OSBPL9: variants seen among roughly 807,000 people sequenced by gnomAD.
OSBPL9 encodes oxysterol binding protein like 9.
Under a neutral mutation model 106.6 loss-of-function variants are expected in OSBPL9, and 40 were observed. The observed-to-expected ratio is 0.38, with a 90% CI of 0.29 to 0.49. The LOEUF (loss-of-function observed/expected upper bound fraction) is 0.49. OSBPL9 is among the 20% of genes least tolerant of loss of function. OSBPL9 has a pLI of 0.97. For synonymous variants in OSBPL9, 269 were observed against 295.4 expected (o/e 0.91, Z 0.92); for missense variants, 609 against 887.2 (o/e 0.69, Z 3.98).
chr1:51,686,183 C>T (rs1023001887), intron 3 of OSBPL9, among the ~76,000 whole-genome samples: 4 of 152,164 alleles, frequency 2.6e-5, no homozygotes, highest in African/African-American at 4.8e-5. Context: ...ATGCTTACTT[C>T]GGGTTCAGTT....
In OSBPL9 at chr1:51,787,959, TCCCTTTTCCC is replaced by T; in HGVS notation, c.*171_*180del. The T allele has an allele frequency of 3.3e-6, 2 of 601,152 alleles. No individual in the cohort carries two copies. Among genetic ancestry groups the T allele is most frequent in the Middle Eastern group, 4.5e-4 (1 of 2,224 alleles). The allele number at this position is 601,152 out of a possible 1,614,324, so 37.2% of individuals were successfully genotyped here. A position where few individuals can be genotyped will look rare whatever the true frequency, so the allele number is the denominator to read the frequency against. ...AGATGAACAATTAAGGGGAAAAGCT[TCCCTTTTCCC>T]TCTGTGGCAGTTACGATTTTGACTT... is the stretch of plus-strand genomic sequence containing the variant. On this transcript the variant is annotated 3_prime_UTR_variant, in exon 24 of 24. Transcript: ENST00000428468.
intron 4 of OSBPL9, among the ~76,000 whole-genome samples, chr1:51,744,196 T>C (rs1329009466): frequency 6.6e-6 from 1 of 152,186 alleles, no homozygotes; most frequent in Non-Finnish European, 1.5e-5. Flanking sequence ...AATTTTTGAA[T>C]TTTAGTTTGG....
intron 2 of OSBPL9, among the ~76,000 whole-genome samples, chr1:51,665,817 G>A (rs1648329877): frequency 6.6e-6 from 1 of 152,080 alleles, no homozygotes; most frequent in Admixed American, 6.5e-5. Flanking sequence ...AGCGAGAAAT[G>A]TTTCTGCAGC....
At chr1:51,688,296 G>A (rs899089389) in intron 3 of OSBPL9, among the ~76,000 whole-genome samples, 7 of 152,126 alleles carry the variant, frequency 4.6e-5, no homozygotes, top group Admixed American at 2.6e-4. Flanking sequence ...CTAGAACTAA[G>A]TTTAACATTG....
chr1:51,541,638 T>C, the OSBPL9 span, among the ~76,000 whole-genome samples: 1 of 152,212 alleles, frequency 6.6e-6, no homozygotes, highest in Non-Finnish European at 1.5e-5. Context: ...TAGAGAAGGC[T>C]GTGGGTGGGG....
intron 17 of OSBPL9, 31 bp downstream of exon 17, chr1:51,782,674 C>T (rs1676667794): frequency 1.3e-6 from 2 of 1,590,762 alleles, no homozygotes; most frequent in South Asian, 1.1e-5. Flanking sequence ...GCAACCTGTG[C>T]TCTCAAAACT....
upstream of OSBPL9, among the ~76,000 whole-genome samples, chr1:51,615,354 C>CT (rs200187179): frequency 6.5e-3 from 994 of 152,356 alleles, 8 homozygotes; most frequent in African/African-American, 0.022. Context: ...AACCCATACT[C>CT]TCTGCTCTTC....
intron 3 of OSBPL9, among the ~76,000 whole-genome samples, chr1:51,682,806 C>G (rs1652866942): frequency 6.6e-6 from 1 of 151,516 alleles, no homozygotes; most frequent in African/African-American, 2.4e-5. Context: ...ATGGAATACT[C>G]TTCAACTTTA....
At chr1:51,532,183 CAG>C in the OSBPL9 span, among the ~76,000 whole-genome samples, 1 of 152,170 alleles carries the variant, frequency 6.6e-6, no homozygotes, top group Non-Finnish European at 1.5e-5. Flanking sequence ...TCAAGAAAAA[CAG>C]ATAATTCTCT....
At chr1:51,582,262 C>T (rs976043175) in intron 1 of OSBPL9, among the ~76,000 whole-genome samples, 6 of 152,154 alleles carry the variant, frequency 3.9e-5, no homozygotes, top group African/African-American at 1.4e-4. Context: ...CCCTTCCATA[C>T]CTTCAAAACA....
chr1:51,712,175 C>T (rs924064929), intron 3 of OSBPL9, among the ~76,000 whole-genome samples: 3 of 152,214 alleles, frequency 2.0e-5, no homozygotes, highest in African/African-American at 7.2e-5. Flanking sequence ...CCTCGGGAGG[C>T]CGAGGCTGGC....
intron 10 of OSBPL9, among the ~76,000 whole-genome samples, chr1:51,761,283 C>T (rs1401168594): frequency 1.4e-5 from 2 of 148,030 alleles, no homozygotes; most frequent in Non-Finnish European, 3.0e-5. Flanking sequence ...TAAAGCAATA[C>T]ATGCAATTTT....
chr1:51,784,258 C>T lies in OSBPL9; in HGVS notation c.1625-6C>T. 6.2e-7 allele frequency: 1 copy of T among 1,613,458 alleles called. No individual in the cohort carries two copies. Among genetic ancestry groups the T allele is most frequent in the Non-Finnish European group, 8.5e-7 (1 of 1,179,408 alleles). ...TCATCAGAGATTCTGTCCCTTCTCTCCACAGGCTGTGTCTCATGTCTAGAC... is the reference window on the plus strand; with the variant it reads ...TCATCAGAGATTCTGTCCCTTCTCTTCACAGGCTGTGTCTCATGTCTAGAC... On this transcript the variant is annotated splice_region_variant and splice_polypyrimidine_tract_variant and intron_variant, in intron 18 of 23. Transcript: ENST00000428468.
chr1:51,534,523 G>A, the OSBPL9 span, among the ~76,000 whole-genome samples: 1 of 152,156 alleles, frequency 6.6e-6, no homozygotes, highest in Non-Finnish European at 1.5e-5. Context: ...GGGGTGAGGA[G>A]TGGGTTGGAT....
chr1:51,705,767 A>G (rs1381507346), intron 3 of OSBPL9, among the ~76,000 whole-genome samples: 1 of 152,092 alleles, frequency 6.6e-6, no homozygotes, highest in Non-Finnish European at 1.5e-5. Flanking sequence ...TGTTCCATAT[A>G]TATTTTTGTA....
At chr1:51,785,979 T>TA in intron 21 of OSBPL9, 93 bp downstream of exon 21, 1 of 1,058,286 alleles carries the variant, frequency 9.4e-7, no homozygotes, top group Non-Finnish European at 1.4e-6. Flanking sequence ...TCCTTCATAA[T>TA]GCATTTCCTT....
At chr1:51,728,611 G>A (rs1260690160) in intron 4 of OSBPL9, among the ~76,000 whole-genome samples, 1 of 152,106 alleles carries the variant, frequency 6.6e-6, no homozygotes, top group Non-Finnish European at 1.5e-5. Context: ...ATCTGGTGTT[G>A]GGCATTTTGA....
rs117553412 is a variant in OSBPL9, at chr1:51,670,129, C to T, written c.241+617C>T. On this transcript the variant is annotated intron_variant, in intron 3 of 23. Transcript: ENST00000428468. Reference sequence around the variant, plus strand: ...GTTCACCGGTAGAAAGGGTAAGGTACTGTATGATCATTCTCATTTCATTTT... The same window carrying T: ...GTTCACCGGTAGAAAGGGTAAGGTATTGTATGATCATTCTCATTTCATTTT... 7.1e-4 allele frequency among the ~76,000 whole-genome samples: 108 copies of T among 152,270 alleles called. 2 individuals are homozygous for T. In the East Asian group the frequency reaches 0.019, roughly 26 times the overall value.
chr1:51,776,021 G>C (rs895426990), intron 14 of OSBPL9, among the ~76,000 whole-genome samples: 57 of 152,100 alleles, frequency 3.7e-4, no homozygotes, highest in African/African-American at 1.3e-3. Flanking sequence ...ATGAATAATT[G>C]ATAATCTGAT....
Sources: gnomAD v4.1 joint callset for allele counts (sites outside exome capture counted in the v4.1 genomes callset) on GRCh38, gnomAD v4.1.1 for gene constraint, MANE v1.5 for transcripts, NCBI Gene and HGNC (gene_info 2026-07-23, HGNC 2026-07-21) for gene names.